BRDT: variants seen among roughly 807,000 people sequenced by gnomAD.
The protein encoded by BRDT is bromodomain testis-specific protein.
A neutral mutation model predicts 113.9 loss-of-function variants in BRDT; 77 were observed. The ratio of observed to expected loss-of-function variants is 0.68; its 90% CI spans 0.56 to 0.82. BRDT has a LOEUF of 0.82. BRDT is among the 40% of genes least tolerant of loss of function. The probability of loss-of-function intolerance (pLI) is 0.00; values close to 1 mark genes in which losing one functional copy is unlikely to be tolerated. For synonymous variants in BRDT, 358 were observed against 366.5 expected (o/e 0.98, Z 0.26); for missense variants, 1,027 against 1,105.4 (o/e 0.93, Z 1.01).
chr1:91,987,315 C>T (rs899202458), intron 12 of BRDT, among the ~76,000 whole-genome samples: 2 of 151,918 alleles, frequency 1.3e-5, no homozygotes, highest in Non-Finnish European at 2.9e-5. Flanking sequence ...CTATATATGG[C>T]ATCATATTCT....
chr1:91,962,861 A>C lies in BRDT; in HGVS notation c.107A>C (p.Gln36Pro). The C allele has an allele frequency of 6.2e-7, 1 of 1,613,184 alleles. No homozygotes were observed. Among genetic ancestry groups the C allele is most frequent in the Non-Finnish European group, 8.5e-7 (1 of 1,179,652 alleles). ...TTGACAAATCAACTTCAGTATCTAC[A>C]AAAAGTTGTCCTAAAGGATTTATGG... The part of the protein sequence containing the change: ...GRLTNQLQYL[Q>P]KVVLKDLWKH... Residue 36 changes from glutamine (Q) to proline (P), a missense_variant, in exon 2 of 19, where the codon CAA (glutamine) becomes CCA (proline). Coordinates refer to ENST00000399546, the MANE Select transcript of BRDT (RefSeq NM_207189.4).
At chr1:92,014,141 T>G (rs1430547517) in intron 18 of BRDT, 65 bp from the exon 19 acceptor site, 3 of 1,027,068 alleles carry the variant, frequency 2.9e-6, no homozygotes, top group Non-Finnish European at 4.3e-6. Flanking sequence ...ATAATCATTA[T>G]TGTATAGTTG....
At chr1:91,951,963 C>T (rs896582066) in intron 1 of BRDT, among the ~76,000 whole-genome samples, 5 of 152,048 alleles carry the variant, frequency 3.3e-5, no homozygotes, top group Admixed American at 2.6e-4. Context: ...GTCAGAGGAT[C>T]GCCTGAGTTC....
At chr1:91,975,459 G>C (rs961881481) in intron 4 of BRDT, among the ~76,000 whole-genome samples, 1 of 152,110 alleles carries the variant, frequency 6.6e-6, no homozygotes, top group Admixed American at 6.6e-5. Flanking sequence ...AGACTATAGA[G>C]GACCGAAGCA....
chr1:91,976,129 G>A (rs1684116099), intron 4 of BRDT, 137 bp from the exon 5 acceptor site: 5 of 832,526 alleles, frequency 6.0e-6, no homozygotes, highest in Non-Finnish European at 8.6e-6. Context: ...TCCTGTGTGT[G>A]TAGATTTCAA....
Position 91,981,191 on chromosome 1 carries a change from G to A in BRDT, c.1750+13G>A. 2 of 1,607,178 alleles carry A rather than the reference G, an allele frequency of 1.2e-6. No homozygotes were observed. The highest frequency in any genetic ancestry group is 1.7e-6 in the Non-Finnish European group (2 of 1,177,630). On this transcript the variant is annotated intron_variant, in intron 10 of 18. Transcript: ENST00000399546. ...TTAAAACCTCCTGGTATGTATTTCT[G>A]CATATTAATAGAAATCGGTTTGGTA...
chr1:91,962,738 A>T lies in BRDT; in HGVS notation c.-17A>T, dbSNP rs377425843. ...TTCAGGACATGTACTTGTAGACAGG[A>T]TTCAAAGCAGTTAAGAATGTCTCTG... is the stretch of plus-strand genomic sequence containing the variant. On this transcript the variant is annotated 5_prime_UTR_variant, in exon 2 of 19. Coordinates refer to ENST00000399546, the MANE Select transcript of BRDT (RefSeq NM_207189.4). The T allele has an allele frequency of 1.3e-6, 2 of 1,566,316 alleles. No homozygotes were observed. The highest frequency in any genetic ancestry group is 1.9e-5 in the Admixed American group (1 of 51,544).
At chr1:91,956,314 C>T (rs1042808711) in intron 1 of BRDT, among the ~76,000 whole-genome samples, 1 of 151,660 alleles carries the variant, frequency 6.6e-6, no homozygotes, top group African/African-American at 2.4e-5. Flanking sequence ...CCTGCCCCCC[C>T]CCACCCCCTG....
intron 1 of BRDT, among the ~76,000 whole-genome samples, chr1:91,961,703 CTCTT>C: frequency 6.6e-6 from 1 of 152,236 alleles, no homozygotes; most frequent in East Asian, 1.9e-4. Flanking sequence ...TTGCTTTTCT[CTCTT>C]CATTGAATTA....
Position 91,981,721 on chromosome 1 carries a change from C to T in BRDT, c.1968C>T (p.Asp656=). 1 of 1,614,070 alleles carries T rather than the reference C, an allele frequency of 6.2e-7. No homozygotes were observed. Among genetic ancestry groups the T allele is most frequent in the Non-Finnish European group, 8.5e-7 (1 of 1,179,970 alleles). The stretch of plus-strand genomic sequence containing the variant: ...CAGAGTCTGAAAGTAGCAGCAGTGA[C>T]TTAAGCTCTTCAGACAGCAGTGATT... ...SSSESESSSS[D]LSSSDSSDSE... Residue 656 remains aspartate (D), a synonymous_variant, in exon 12 of 19, where the codon GAC becomes GAT. Coordinates refer to ENST00000399546, the MANE Select transcript of BRDT (RefSeq NM_207189.4).
intron 14 of BRDT, 61 bp downstream of exon 14, chr1:91,992,375 G>A: frequency 9.1e-7 from 1 of 1,093,968 alleles, no homozygotes; most frequent in Non-Finnish European, 1.3e-6. Context: ...TAGATTAGGG[G>A]CTTACTTTTT....
chr1:91,996,696 G>A (rs1686370692), intron 15 of BRDT, among the ~76,000 whole-genome samples: 1 of 152,242 alleles, frequency 6.6e-6, no homozygotes, highest in Non-Finnish European at 1.5e-5. Flanking sequence ...AGCAACTGTA[G>A]AAAGCATGTG....
At chr1:92,007,163 T>A (rs1196194925) in intron 18 of BRDT, among the ~76,000 whole-genome samples, 4 of 152,186 alleles carry the variant, frequency 2.6e-5, no homozygotes, top group Admixed American at 2.6e-4. Context: ...ATCATCTTGA[T>A]AATTGTTTTC....
In BRDT at chr1:91,968,262, T is replaced by G; in HGVS notation, c.445+2T>G. On this transcript the variant is annotated splice_donor_variant, in intron 4 of 18. Coordinates refer to ENST00000399546, the MANE Select transcript of BRDT (RefSeq NM_207189.4). LOFTEE classifies it high-confidence loss of function. ...GTGTTAAGGAAAGAATCAAGAAAGG[T>G]AAGGCAGGAGGTAAACACTTTATGG... The G allele has an allele frequency of 6.2e-7, 1 of 1,613,830 alleles. No homozygotes were observed. The highest frequency in any genetic ancestry group is 8.5e-7 in the Non-Finnish European group (1 of 1,179,866).
intron 12 of BRDT, 100 bp downstream of exon 12, chr1:91,981,855 C>A: frequency 7.2e-7 from 1 of 1,386,758 alleles, no homozygotes; most frequent in Middle Eastern, 2.1e-4. Flanking sequence ...TACCCAGAAT[C>A]CATGGTTTGT....
Sources: allele counts gnomAD v4.1 joint callset (sites outside exome capture counted in the v4.1 genomes callset), GRCh38; gene constraint gnomAD v4.1.1; transcripts MANE v1.5; gene names NCBI Gene and HGNC (gene_info 2026-07-23, HGNC 2026-07-21).